The following PARP8 variants were observed in gnomAD, a reference collection of about 807,000 sequenced individuals.
PARP8 encodes protein mono-ADP-ribosyltransferase PARP8.
Under a neutral mutation model 124.1 loss-of-function variants are expected in PARP8, and 51 were observed. That is an observed-to-expected ratio of 0.41 (90% CI 0.33 to 0.52). PARP8 has a LOEUF of 0.52. PARP8 is among the 20% of genes least tolerant of loss of function. PARP8 has a pLI of 0.21. For missense variants in PARP8, 860 were observed against 1,018.9 expected, an observed-to-expected ratio of 0.84 and a Z score of 2.12; for synonymous variants, 391 against 361.5, an observed-to-expected ratio of 1.08 and a Z score of -0.93.
At chr5:50,747,415 G>GA (rs1758709419) in intron 2 of PARP8, among the ~76,000 whole-genome samples, 1 of 151,806 alleles carries the variant, frequency 6.6e-6, no homozygotes. Flanking sequence ...AGTGTTCTAT[G>GA]AAAATCAGTT....
chr5:50,770,369 A>G (rs1761481990), intron 7 of PARP8, among the ~76,000 whole-genome samples: 1 of 152,106 alleles, frequency 6.6e-6, no homozygotes, highest in African/African-American at 2.4e-5. Context: ...CTCATCATTC[A>G]GTTTAGTGGC....
At chr5:50,669,743 A>T in intron 2 of PARP8, among the ~76,000 whole-genome samples, 1 of 152,218 alleles carries the variant, frequency 6.6e-6, no homozygotes, top group East Asian at 1.9e-4. Context: ...TCACCATAGG[A>T]AGAAGTACCA....
chr5:50,666,924 T>TCCC lies in PARP8; in HGVS notation c.-170_-169insCCC, dbSNP rs1659204434. ...CTCCCCCTCCTCCTCCTCCTCCCCC[T>TCCC]CCTCCTCCTCCTCTTCTCTCACCCA... On this transcript the variant is annotated 5_prime_UTR_variant, in exon 1 of 26. Coordinates refer to ENST00000281631, the MANE Select transcript of PARP8 (RefSeq NM_024615.4). The TCCC allele has an allele frequency of 5.9e-6, 3 of 506,392 alleles. No homozygotes were observed. The highest frequency in any genetic ancestry group is 6.5e-5 in the Admixed American group (1 of 15,412). 31.4% of individuals were successfully genotyped at this position (506,392 alleles called of 1,614,324 possible). A position where few individuals can be genotyped will look rare whatever the true frequency, so the allele number is the denominator to read the frequency against.
intron 10 of PARP8, among the ~76,000 whole-genome samples, chr5:50,790,804 T>A (rs755344581): frequency 6.6e-6 from 1 of 152,208 alleles, no homozygotes; most frequent in Non-Finnish European, 1.5e-5. Flanking sequence ...GATTAATGTT[T>A]TCAAAGAGTT....
rs1404935404 is a variant in PARP8, at chr5:50,845,729, T to C, written c.*3661T>C. 6.6e-6 allele frequency: 1 copy of C among 151,756 alleles called. No homozygotes were observed. The highest frequency in any genetic ancestry group is 1.5e-5 in the Non-Finnish European group (1 of 67,782). The allele number at this position is 151,756 out of a possible 1,614,324, so 9.4% of individuals were successfully genotyped here. Reference sequence around the variant, plus strand: ...GCAAAATTTGAAATTAATTAGTCTATTTTGAGATTGATTTTCTACGTGGGC... The same window carrying C: ...GCAAAATTTGAAATTAATTAGTCTACTTTGAGATTGATTTTCTACGTGGGC... On this transcript the variant is annotated 3_prime_UTR_variant, in exon 26 of 26. Coordinates refer to ENST00000281631, the MANE Select transcript of PARP8 (RefSeq NM_024615.4).
intron 2 of PARP8, among the ~76,000 whole-genome samples, chr5:50,724,920 T>C (rs1756266838): frequency 6.6e-6 from 1 of 152,040 alleles, no homozygotes; most frequent in Non-Finnish European, 1.5e-5. Context: ...TACTCGTAGC[T>C]TAGCTCCCAC....
At chr5:50,818,920 C>A (rs1262688950) in intron 15 of PARP8, among the ~76,000 whole-genome samples, 2 of 152,114 alleles carry the variant, frequency 1.3e-5, no homozygotes, top group Non-Finnish European at 2.9e-5. Context: ...GGGGACTGGA[C>A]CCCTTCGATC....
At chr5:50,737,058 T>C (rs1304277093) in intron 2 of PARP8, among the ~76,000 whole-genome samples, 1 of 152,182 alleles carries the variant, frequency 6.6e-6, no homozygotes, top group Non-Finnish European at 1.5e-5. Context: ...TTATCTTCAG[T>C]ACTTATGTAT....
rs568333865 is a variant in PARP8 at position 50,836,649 on chromosome 5, TGG to T, written c.2462+1638_2462+1639del. Among the ~76,000 whole-genome samples, 21 of 152,292 alleles carry T rather than the reference TGG, an allele frequency of 1.4e-4. No homozygotes were observed. The South Asian group carries it at 4.4e-3, about 32-fold the overall frequency. On this transcript the variant is annotated intron_variant, in intron 25 of 25. Coordinates refer to ENST00000281631, the MANE Select transcript of PARP8 (RefSeq NM_024615.4). Reference sequence around the variant, plus strand: ...GCAGAGAAAGACTCCAAGAGGATCCTGGGGGCTCCTAGAGAAGCTAACTGCAC... The same window carrying T: ...GCAGAGAAAGACTCCAAGAGGATCCTGGGCTCCTAGAGAAGCTAACTGCAC...
intron 2 of PARP8, among the ~76,000 whole-genome samples, chr5:50,681,907 C>G (rs1751334812): frequency 6.6e-6 from 1 of 152,044 alleles, no homozygotes; most frequent in African/African-American, 2.4e-5. Flanking sequence ...AATAATCAAG[C>G]TTGTTAGAAT....
chr5:50,786,121 T>C (rs1741219627), intron 9 of PARP8, among the ~76,000 whole-genome samples: 1 of 152,112 alleles, frequency 6.6e-6, no homozygotes, highest in African/African-American at 2.4e-5. Context: ...ACACTCTGCT[T>C]CTTTTGACTG....
intron 6 of PARP8, among the ~76,000 whole-genome samples, chr5:50,762,848 A>C (rs1760692960): frequency 6.6e-6 from 1 of 152,204 alleles, no homozygotes; most frequent in South Asian, 2.1e-4. Flanking sequence ...GAGGGGAAGT[A>C]ACTGCTTTTC....
chr5:50,745,028 A>G lies in PARP8; in HGVS notation c.147-5123A>G, dbSNP rs899594232. On this transcript the variant is annotated intron_variant, in intron 2 of 25. Coordinates refer to ENST00000281631, the MANE Select transcript of PARP8 (RefSeq NM_024615.4). ...TTTGTACTAGATTGTTTCCCTTAGAACTCTGCAAGTCACAAAGTGAAACTG... is the reference window on the plus strand; with the variant it reads ...TTTGTACTAGATTGTTTCCCTTAGAGCTCTGCAAGTCACAAAGTGAAACTG... The G allele has an allele frequency of 1.1e-4, 41 of 366,702 alleles. No individual in the cohort carries two copies. The Admixed American group carries it at 1.4e-3, about 12-fold the overall frequency. 22.7% of individuals were successfully genotyped at this position (366,702 alleles called of 1,614,324 possible).
intron 2 of PARP8, among the ~76,000 whole-genome samples, chr5:50,694,511 G>A (rs537499814): frequency 1.6e-4 from 24 of 152,240 alleles, no homozygotes; most frequent in Admixed American, 2.6e-4. Flanking sequence ...TCTTGTGAAA[G>A]GGTTTCAGCC....
intron 23 of PARP8, chr5:50,833,341 G>A (rs766219182): frequency 9.3e-6 from 4 of 429,186 alleles, no homozygotes; most frequent in Admixed American, 2.8e-5. Context: ...TGATGAGTGC[G>A]TGAGCCATGT....
At position 50,843,359 on chromosome 5, in the gene PARP8, G is replaced by A. The variant is rs1053644882; in HGVS notation, c.*1291G>A. On this transcript the variant is annotated 3_prime_UTR_variant, in exon 26 of 26. Transcript: ENST00000281631. ...CAAACCCTGAATCAAGGCTCTATCTGATTTTAATTTATGTAAAAAAAAATA... is the reference window on the plus strand; with the variant it reads ...CAAACCCTGAATCAAGGCTCTATCTAATTTTAATTTATGTAAAAAAAAATA... 1.3e-5 allele frequency: 2 copies of A among 150,952 alleles called. No individual in the cohort carries two copies. The highest frequency in any genetic ancestry group is 6.6e-5 in the Admixed American group (1 of 15,140). The allele number at this position is 150,952 out of a possible 1,614,324, so 9.4% of individuals were successfully genotyped here.
At chr5:50,741,875 T>G in intron 2 of PARP8, 1 of 442,950 alleles carries the variant, frequency 2.3e-6, no homozygotes, top group South Asian at 1.6e-5. Context: ...AATAGCGCGA[T>G]CTCAGCTCAC....
intron 9 of PARP8, among the ~76,000 whole-genome samples, chr5:50,779,620 TGA>T (rs1420088820): frequency 6.6e-6 from 1 of 152,170 alleles, no homozygotes; most frequent in African/African-American, 2.4e-5. Flanking sequence ...AAAGACATAG[TGA>T]GTCTTTCATT....
chr5:50,804,709 G>A (rs1408290092), intron 14 of PARP8, among the ~76,000 whole-genome samples: 1 of 152,084 alleles, frequency 6.6e-6, no homozygotes, highest in East Asian at 1.9e-4. Flanking sequence ...CATTGTTCTA[G>A]AACAGCGGTT....
Sources: gnomAD v4.1 joint callset for allele counts (sites outside exome capture counted in the v4.1 genomes callset) on GRCh38, gnomAD v4.1.1 for gene constraint, MANE v1.5 for transcripts, NCBI Gene and HGNC (gene_info 2026-07-23, HGNC 2026-07-21) for gene names.